Variants in TTLL11 observed in about 807,000 individuals in gnomAD.
TTLL11 encodes tubulin tyrosine ligase like 11, also known as tubulin polyglutamylase TTLL11.
In TTLL11, 42 loss-of-function variants were observed where a neutral mutation model predicts 51.7. The observed-to-expected ratio is 0.81, with a 90% confidence interval of 0.64 to 1.05. The LOEUF (loss-of-function observed/expected upper bound fraction) is 1.05, where lower values mean the gene tolerates loss of function less well. Ranked by LOEUF, TTLL11 falls within the 50% of genes least tolerant of loss-of-function variation. TTLL11 has a pLI of 0.00. For missense variants in TTLL11, 799 were observed against 940.4 expected (o/e 0.85, Z 1.97); for synonymous variants, 381 against 383.5 (o/e 0.99, Z 0.08).
rs1837195295 is a variant in TTLL11, at chr9:121,836,919, G to C, written c.1841-14040C>G. Among the ~76,000 whole-genome samples the C allele has an allele frequency of 2.0e-5, 3 of 152,322 alleles. No homozygotes were observed. In the South Asian group the frequency reaches 6.2e-4, roughly 32 times the overall value. On this transcript the variant is annotated intron_variant, in intron 8 of 8. Transcript: ENST00000321582. ...CCTCCAATTCCTGTGAGCTGGAAGT[G>C]AATGCTGTTTGCAATTTCTGGCATA...
intron 6 of TTLL11, among the ~76,000 whole-genome samples, chr9:121,903,715 A>G (rs1839842183): frequency 6.6e-6 from 1 of 152,202 alleles, no homozygotes; most frequent in African/African-American, 2.4e-5. Flanking sequence ...TTTTACACAC[A>G]CAGATATCCC....
Position 122,075,234 on chromosome 9 carries a change from TTTTCTAATTCACACAAAA to T in TTLL11, c.462+17435_462+17452del, listed in dbSNP as rs1460795721. Among the ~76,000 whole-genome samples the T allele has an allele frequency of 7.9e-5, 12 of 152,332 alleles. No homozygotes were observed. In the East Asian group the frequency reaches 2.3e-3, roughly 29 times the overall value. On this transcript the variant is annotated intron_variant, in intron 1 of 8. Transcript: ENST00000321582. ...TTCTTTCCTTGAGGAATGGGTCCCT[TTTTCTAATTCACACAAAA>T]CATGATGGGCGAGTAGGGATCACAG...
At chr9:122,034,678 A>G (rs1258484130) in intron 2 of TTLL11, among the ~76,000 whole-genome samples, 1 of 152,214 alleles carries the variant, frequency 6.6e-6, no homozygotes, top group Non-Finnish European at 1.5e-5. Context: ...GGTGGCTCAG[A>G]GACAGGTGTG....
intron 2 of TTLL11, among the ~76,000 whole-genome samples, chr9:122,038,440 T>A (rs922060980): frequency 6.6e-6 from 1 of 151,776 alleles, no homozygotes; most frequent in Non-Finnish European, 1.5e-5. Flanking sequence ...AGGTCAGGAG[T>A]TCGAGACCAG....
chr9:121,939,975 A>T (rs1841383912), intron 6 of TTLL11, among the ~76,000 whole-genome samples: 1 of 152,038 alleles, frequency 6.6e-6, no homozygotes, highest in Non-Finnish European at 1.5e-5. Context: ...AGGTGAGTGA[A>T]TCTCTTGTAC....
intron 1 of TTLL11, among the ~76,000 whole-genome samples, chr9:122,084,757 A>G (rs1183032602): frequency 6.6e-6 from 1 of 152,152 alleles, no homozygotes; most frequent in African/African-American, 2.4e-5. Flanking sequence ...AGTATTTTAT[A>G]CTCAGTCTTA....
Position 121,838,781 on chromosome 9 carries a change from AAAGCAAGC to A in TTLL11, c.1841-15910_1841-15903del, listed in dbSNP as rs55715366. Among the ~76,000 whole-genome samples, 687 of 139,996 alleles carry A rather than the reference AAAGCAAGC, an allele frequency of 4.9e-3. 8 individuals carry two copies. The highest frequency in any genetic ancestry group is 0.017 in the African/African-American group (615 of 35,220). 91.8% of individuals were successfully genotyped at this position (139,996 alleles called of 152,430 possible). On this transcript the variant is annotated intron_variant, in intron 8 of 8. Coordinates refer to ENST00000321582, the MANE Select transcript of TTLL11 (RefSeq NM_001139442.2). ...GAGAGAAAGCAAGCAAGCAAGCAAG[AAAGCAAGC>A]AAGCAAGCAAGCAAGCAAGCAAGCA...
intron 4 of TTLL11, among the ~76,000 whole-genome samples, chr9:121,988,364 C>T (rs1052308169): frequency 4.6e-5 from 7 of 152,044 alleles, no homozygotes; most frequent in Admixed American, 2.6e-4. Flanking sequence ...ACCACCCCCC[C>T]GAACCAATAC....
At chr9:122,058,810 ACCTTTT>A (rs1564379146) in intron 1 of TTLL11, among the ~76,000 whole-genome samples, 1 of 152,118 alleles carries the variant, frequency 6.6e-6, no homozygotes, top group Non-Finnish European at 1.5e-5. Flanking sequence ...TTTAAGCAAT[ACCTTTT>A]AATTTACTTA....
intron 6 of TTLL11, among the ~76,000 whole-genome samples, chr9:121,881,896 T>C (rs893808361): frequency 6.6e-6 from 1 of 152,156 alleles, no homozygotes; most frequent in African/African-American, 2.4e-5. Flanking sequence ...AAGATGCACC[T>C]CCAGAGCCAG....
chr9:121,963,878 T>C (rs1385094245), intron 6 of TTLL11, among the ~76,000 whole-genome samples: 2 of 152,236 alleles, frequency 1.3e-5, no homozygotes, highest in African/African-American at 4.8e-5. Context: ...CACATTTTTC[T>C]CATTTGCTAT....
intron 6 of TTLL11, among the ~76,000 whole-genome samples, chr9:121,883,153 A>G (rs570418218): frequency 6.6e-6 from 1 of 152,340 alleles, no homozygotes; most frequent in Admixed American, 6.5e-5. Context: ...AAAATACCAC[A>G]TTAATAATTT....
chr9:121,850,544 G>C (rs1425981212), intron 8 of TTLL11, among the ~76,000 whole-genome samples: 1 of 152,194 alleles, frequency 6.6e-6, no homozygotes, highest in African/African-American at 2.4e-5. Flanking sequence ...AGCAGTGAAG[G>C]GGGAGGAGTG....
At chr9:121,882,332 G>A (rs1838828831) in intron 6 of TTLL11, among the ~76,000 whole-genome samples, 1 of 152,180 alleles carries the variant, frequency 6.6e-6, no homozygotes, top group Non-Finnish European at 1.5e-5. Flanking sequence ...CTTTCCATGT[G>A]CATGGTCCCC....
At chr9:122,060,789 T>C (rs1845415353) in intron 1 of TTLL11, among the ~76,000 whole-genome samples, 1 of 152,230 alleles carries the variant, frequency 6.6e-6, no homozygotes. Flanking sequence ...CTGTTTCAAC[T>C]ATGCTGTGGG....
intron 6 of TTLL11, among the ~76,000 whole-genome samples, chr9:121,925,039 G>A (rs1840673327): frequency 6.6e-6 from 1 of 152,106 alleles, no homozygotes; most frequent in African/African-American, 2.4e-5. Context: ...CTCTCCTGAT[G>A]GCGAGGAGAA....
At chr9:121,832,074 A>G (rs998680346) in intron 8 of TTLL11, among the ~76,000 whole-genome samples, 4 of 151,932 alleles carry the variant, frequency 2.6e-5, no homozygotes, top group Admixed American at 2.6e-4. Context: ...TCAATAAGGG[A>G]CCCACCCTTA....
chr9:121,888,485 T>C (rs561055597), intron 6 of TTLL11, among the ~76,000 whole-genome samples: 7 of 152,362 alleles, frequency 4.6e-5, no homozygotes, highest in Non-Finnish European at 8.8e-5. Context: ...TTTGGGCCAG[T>C]TCAGCTCTTT....
chr9:121,822,593 C>A lies in TTLL11; in HGVS notation c.2127G>T (p.Leu709=). 6.9e-7 allele frequency: 1 copy of A among 1,456,532 alleles called. No homozygotes were observed. The highest frequency in any genetic ancestry group is 9.1e-7 in the Non-Finnish European group (1 of 1,103,244). The allele number at this position is 1,456,532 out of a possible 1,614,324, so 90.2% of individuals were successfully genotyped here. The change falls in exon 9 of 9, where the codon CTG becomes CTT. Residue 709 remains leucine, a synonymous_variant. Transcript: ENST00000321582. This position sits in a 1 kb window ranked among gnomAD's most constrained non-coding sequence, Gnocchi z 5.8. ...ANKLSHPRHT[L]S is the part of the protein sequence containing the mutation. The stretch of plus-strand genomic sequence containing the variant: ...CAGGAGGACAGAGTGGCCCTCAGGA[C>A]AGGGTATGTCTGGGATGGGAGAGCT...
Sources: gnomAD v4.1 joint callset for allele counts (sites outside exome capture counted in the v4.1 genomes callset) on GRCh38, gnomAD v4.1.1 for gene constraint, Gnocchi (gnomAD v3.1) non-coding constraint, MANE v1.5 for transcripts, NCBI Gene and HGNC (gene_info 2026-07-23, HGNC 2026-07-21) for gene names.